SMURF1: variants seen among roughly 807,000 people sequenced by gnomAD.
SMURF1 encodes the protein E3 ubiquitin-protein ligase SMURF1.
SMURF1 carries 44 observed loss-of-function variants against 98.0 expected under a neutral mutation model. That is an observed-to-expected ratio of 0.45 (90% confidence interval 0.35 to 0.58). SMURF1 has a LOEUF of 0.58. Ranked by LOEUF, SMURF1 falls within the 20% of genes least tolerant of loss-of-function variation. SMURF1 has a pLI of 0.00. For missense variants in SMURF1, 687 were observed against 938.4 expected, an observed-to-expected ratio of 0.73 and a Z score of 3.50; for synonymous variants, 396 against 374.9, an observed-to-expected ratio of 1.06 and a Z score of -0.65.
rs766178614 is a variant in SMURF1, at chr7:99,037,048, C to G, written c.1809+19G>C. ...GCCACAGGGACGCCCTGGGTCGACT[C>G]CGCACAGCAGGCACATACCTCCAGT... On this transcript the variant is annotated intron_variant, in intron 15 of 17. Coordinates refer to ENST00000361368, the MANE Select transcript of SMURF1 (RefSeq NM_181349.3). The G allele has an allele frequency of 3.1e-6, 5 of 1,613,298 alleles. No individual in the cohort carries two copies. The highest frequency in any genetic ancestry group is 4.2e-6 in the Non-Finnish European group (5 of 1,179,964).
At chr7:99,050,950 G>A (rs769966161) in intron 8 of SMURF1, 10 of 1,551,008 alleles carry the variant, frequency 6.4e-6, no homozygotes, top group South Asian at 2.4e-5. Flanking sequence ...GAAGGAATTC[G>A]TATAGAAAAG....
chr7:99,032,725 G>C (rs1234482717), intron 17 of SMURF1, among the ~76,000 whole-genome samples: 1 of 152,144 alleles, frequency 6.6e-6, no homozygotes, highest in Non-Finnish European at 1.5e-5. Flanking sequence ...TATATATACT[G>C]TAAGAAAGAT....
chr7:99,041,389 G>A (rs190941810), intron 12 of SMURF1, among the ~76,000 whole-genome samples: 6 of 152,240 alleles, frequency 3.9e-5, no homozygotes, highest in East Asian at 3.9e-4. Context: ...GGGACACAGC[G>A]AGACTCTCTC....
intron 17 of SMURF1, 193 bp downstream of exon 17, chr7:99,032,844 G>A: frequency 1.3e-6 from 1 of 788,796 alleles, no homozygotes; most frequent in Non-Finnish European, 2.1e-6. Context: ...TCTCTTGCTT[G>A]AGGGCTTCAG....
chr7:99,059,175 G>A lies in SMURF1; in HGVS notation c.203+1424C>T, dbSNP rs567665570. On this transcript the variant is annotated intron_variant, in intron 3 of 17. Coordinates refer to ENST00000361368, the MANE Select transcript of SMURF1 (RefSeq NM_181349.3). ...AGCACTTTGGGAGGCCGAGGCGGGC[G>A]GATCACGAGGTCAGGAGATCGAGAC... is the stretch of plus-strand genomic sequence containing the variant. Among the ~76,000 whole-genome samples, 1,274 of 151,610 alleles carry A rather than the reference G, an allele frequency of 8.4e-3. 16 individuals are homozygous for A. The highest frequency in any genetic ancestry group is 0.027 in the African/African-American group (1,098 of 41,372).
chr7:99,048,236 A>C, intron 9 of SMURF1: 1 of 237,708 alleles, frequency 4.2e-6, no homozygotes, highest in Non-Finnish European at 8.4e-6. Flanking sequence ...AAAAATACAA[A>C]AAATTAGCCA....
chr7:99,114,092 A>G (rs1253958258), intron 1 of SMURF1, among the ~76,000 whole-genome samples: 3 of 152,148 alleles, frequency 2.0e-5, no homozygotes, highest in East Asian at 1.9e-4. Flanking sequence ...ACAGAACTAT[A>G]TAAGAGCAAA....
intron 1 of SMURF1, 140 bp from the exon 2 acceptor site, chr7:99,061,977 A>G (rs1371570202): frequency 1.8e-6 from 1 of 550,574 alleles, no homozygotes; most frequent in Non-Finnish European, 3.2e-6. Context: ...TATCATATGA[A>G]ACAAAAAATG....
chr7:99,069,646 TACCAGAGC>T (rs1194000666), intron 1 of SMURF1, among the ~76,000 whole-genome samples: 1 of 152,188 alleles, frequency 6.6e-6, no homozygotes, highest in Non-Finnish European at 1.5e-5. Context: ...AAGGCCACTG[TACCAGAGC>T]CACTGATCTG....
rs571821769 is a variant in SMURF1, at chr7:99,067,247, C to T, written c.56-5410G>A. 2.0e-5 allele frequency among the ~76,000 whole-genome samples: 3 copies of T among 151,678 alleles called. No individual in the cohort carries two copies. The South Asian group carries it at 6.3e-4, about 32-fold the overall frequency. On this transcript the variant is annotated intron_variant, in intron 1 of 17. Transcript: ENST00000361368. ...TTTTGACCTCATGGTCCACCCGCCT[C>T]GGCCTCCCAAAGTGCTGGGATTACA... is the stretch of plus-strand genomic sequence containing the variant.
intron 1 of SMURF1, among the ~76,000 whole-genome samples, chr7:99,138,310 T>C (rs1798040922): frequency 1.3e-5 from 2 of 152,354 alleles, no homozygotes; most frequent in South Asian, 4.1e-4. Context: ...TCAGCTATTT[T>C]AACTGTTAAC....
intron 1 of SMURF1, among the ~76,000 whole-genome samples, chr7:99,076,801 A>G (rs1796469502): frequency 6.6e-6 from 1 of 152,018 alleles, no homozygotes; most frequent in Non-Finnish European, 1.5e-5. Flanking sequence ...GTGTGTGCGC[A>G]TGTGTGCAAG....
intron 1 of SMURF1, among the ~76,000 whole-genome samples, chr7:99,098,151 A>G (rs1435124200): frequency 1.3e-5 from 2 of 152,054 alleles, no homozygotes; most frequent in African/African-American, 2.4e-5. Context: ...TAAATTTGCT[A>G]TAAGAATAAA....
chr7:99,138,326 C>T (rs1359597796), intron 1 of SMURF1, among the ~76,000 whole-genome samples: 3 of 152,166 alleles, frequency 2.0e-5, no homozygotes, highest in African/African-American at 4.8e-5. Flanking sequence ...TTAACCAGTG[C>T]CCACGATGTT....
intron 1 of SMURF1, among the ~76,000 whole-genome samples, chr7:99,108,277 G>A (rs1309742601): frequency 6.6e-6 from 1 of 151,590 alleles, no homozygotes; most frequent in Non-Finnish European, 1.5e-5. Context: ...GAGTGCAGTG[G>A]CGCGATCTTG....
intron 7 of SMURF1, 31 bp from the exon 8 acceptor site, chr7:99,051,472 C>A (rs1244707414): frequency 5.8e-6 from 9 of 1,563,370 alleles, no homozygotes; most frequent in Non-Finnish European, 7.9e-6. Context: ...CCAAATGAGA[C>A]AAGTTCAATT....
chr7:99,140,401 C>G (rs929116395), intron 1 of SMURF1, among the ~76,000 whole-genome samples: 22 of 151,650 alleles, frequency 1.5e-4, no homozygotes, highest in African/African-American at 5.1e-4. Flanking sequence ...ATTCTCCTGC[C>G]TCAGCCTACC....
chr7:99,059,453 A>AAAAT (rs1356077146), intron 3 of SMURF1, among the ~76,000 whole-genome samples: 29 of 149,112 alleles, frequency 1.9e-4, no homozygotes, highest in African/African-American at 7.2e-4. Flanking sequence ...AAAATAAAAT[A>AAAAT]AAATAAAATA....
At chr7:99,090,791 G>A (rs971180602) in intron 1 of SMURF1, among the ~76,000 whole-genome samples, 5 of 152,034 alleles carry the variant, frequency 3.3e-5, no homozygotes, top group Admixed American at 2.0e-4. Flanking sequence ...CCTAGGAGAC[G>A]GTAACTTTCC....
Sources: gnomAD v4.1 joint callset for allele counts (sites outside exome capture counted in the v4.1 genomes callset) on GRCh38, gnomAD v4.1.1 for gene constraint, MANE v1.5 for transcripts, NCBI Gene and HGNC (gene_info 2026-07-23, HGNC 2026-07-21) for gene names.